Variants in CDC42BPB observed in about 807,000 individuals in gnomAD.
CDC42BPB encodes CDC42 binding protein kinase beta.
A neutral mutation model predicts 214.9 loss-of-function variants in CDC42BPB; 37 were observed. The observed-to-expected ratio is 0.17, with a 90% confidence interval of 0.13 to 0.23. CDC42BPB has a LOEUF of 0.23. Ranked by LOEUF, CDC42BPB falls within the 10% of genes least tolerant of loss-of-function variation. The pLI, the probability that CDC42BPB is intolerant of heterozygous loss-of-function variation, is 1.00. For synonymous variants in CDC42BPB, 931 were observed against 884.0 expected, an observed-to-expected ratio of 1.05 and a Z score of -0.94; for missense variants, 1,694 against 2,227.0, an observed-to-expected ratio of 0.76 and a Z score of 4.82.
chr14:102,971,840 G>A (rs138744725), intron 13 of CDC42BPB, 79 bp downstream of exon 13: 4 of 1,467,930 alleles, frequency 2.7e-6, no homozygotes, highest in Admixed American at 3.7e-5. Context: ...CAGTAATGCA[G>A]CCCAAGATTT....
intron 1 of CDC42BPB, among the ~76,000 whole-genome samples, chr14:103,033,856 T>C (rs1887523868): frequency 6.6e-6 from 1 of 152,246 alleles, no homozygotes; most frequent in Admixed American, 6.5e-5. Context: ...AGCAGTTTCC[T>C]CACTGGAAGT....
At chr14:103,047,903 C>CAA (rs376515642) in intron 1 of CDC42BPB, among the ~76,000 whole-genome samples, 1 of 127,776 alleles carries the variant, frequency 7.8e-6, no homozygotes, top group Non-Finnish European at 1.6e-5. Context: ...ACTCTGTGTC[C>CAA]AAAAAAAAAA....
intron 1 of CDC42BPB, among the ~76,000 whole-genome samples, chr14:103,027,549 T>C (rs1487611645): frequency 6.6e-6 from 1 of 152,190 alleles, no homozygotes; most frequent in East Asian, 1.9e-4. Context: ...CCAGAGAAAG[T>C]AATTAAATAA....
chr14:102,945,315 C>T lies in CDC42BPB; in HGVS notation c.3811+347G>A, dbSNP rs146234086. ...ATGCCAGGATACCTTTGCCCTTCCT[C>T]GCTGGGAAGACTGAAGTGTCAAAAT... On this transcript the variant is annotated intron_variant, in intron 29 of 36. Transcript: ENST00000361246. 692 of 469,202 alleles carry T rather than the reference C, an allele frequency of 1.5e-3. 1 individual carries two copies. The highest frequency in any genetic ancestry group is 2.4e-3 in the Non-Finnish European group (575 of 235,948). 29.1% of individuals were successfully genotyped at this position (469,202 alleles called of 1,614,324 possible).
chr14:102,949,660 GA>G, intron 26 of CDC42BPB, 104 bp downstream of exon 26: 1 of 1,415,090 alleles, frequency 7.1e-7, no homozygotes, highest in Non-Finnish European at 9.8e-7. Context: ...TGAAGCAGGT[GA>G]AGTACTAATG....
chr14:102,985,879 C>T (rs181210865), intron 6 of CDC42BPB, among the ~76,000 whole-genome samples: 25 of 152,372 alleles, frequency 1.6e-4, no homozygotes, highest in African/African-American at 5.8e-4. Flanking sequence ...TCAGGCTACT[C>T]GGCCATGACG....
At chr14:102,992,464 G>C (rs1413882471) in intron 5 of CDC42BPB, among the ~76,000 whole-genome samples, 1 of 152,210 alleles carries the variant, frequency 6.6e-6, no homozygotes. Flanking sequence ...TGGTGGGGTA[G>C]AGACGGTGCT....
chr14:103,031,445 T>A (rs1288759125), intron 1 of CDC42BPB, among the ~76,000 whole-genome samples: 2 of 152,204 alleles, frequency 1.3e-5, no homozygotes, highest in East Asian at 1.9e-4. Context: ...TTTAACATTT[T>A]GCAAAAGGAC....
intron 1 of CDC42BPB, chr14:103,041,601 T>C: frequency 1.2e-6 from 1 of 868,918 alleles, no homozygotes; most frequent in Non-Finnish European, 1.9e-6. Flanking sequence ...TGCCCCACAT[T>C]GCCCTGCACA....
intron 14 of CDC42BPB, 58 bp from the exon 15 acceptor site, chr14:102,968,774 T>C: frequency 2.5e-6 from 4 of 1,593,794 alleles, no homozygotes; most frequent in South Asian, 2.3e-5. Flanking sequence ...GGTCACACTG[T>C]CCTTTCAACC....
At chr14:102,997,367 A>G (rs1894787714) in intron 5 of CDC42BPB, among the ~76,000 whole-genome samples, 1 of 152,166 alleles carries the variant, frequency 6.6e-6, no homozygotes, top group Non-Finnish European at 1.5e-5. Context: ...AAACTCTCTC[A>G]TATACCCCCC....
At chr14:103,046,676 G>T (rs1310152091) in intron 1 of CDC42BPB, among the ~76,000 whole-genome samples, 4 of 151,998 alleles carry the variant, frequency 2.6e-5, no homozygotes, top group Non-Finnish European at 5.9e-5. Context: ...TTTTTTTGGA[G>T]ACAGTCTCTC....
chr14:103,008,405 T>G, intron 3 of CDC42BPB, 67 bp downstream of exon 3: 1 of 1,033,474 alleles, frequency 9.7e-7, no homozygotes, highest in Non-Finnish European at 1.5e-6. Flanking sequence ...TTTCCCCAGC[T>G]GGCTTCACAG....
intron 1 of CDC42BPB, among the ~76,000 whole-genome samples, chr14:103,014,270 T>A (rs535894272): frequency 1.3e-5 from 2 of 151,464 alleles, no homozygotes; most frequent in African/African-American, 2.4e-5. Context: ...ACTGTCTGAC[T>A]CCAGACCAGC....
At position 102,952,618 on chromosome 14, in the gene CDC42BPB, T is replaced by C; in HGVS notation, c.3067-15A>G. On this transcript the variant is annotated splice_polypyrimidine_tract_variant and intron_variant, in intron 23 of 36. Transcript: ENST00000361246. ...TGAGCTTTTGGCTGGAAGGAGAAAA[T>C]CAAGAACACTGAGGTGAACCATGGA... is the stretch of plus-strand genomic sequence containing the variant. The C allele has an allele frequency of 6.2e-7, 1 of 1,610,294 alleles. No individual in the cohort carries two copies. Among genetic ancestry groups the C allele is most frequent in the African/African-American group, 1.3e-5 (1 of 74,948 alleles).
intron 29 of CDC42BPB, chr14:102,945,047 T>A: frequency 3.2e-6 from 1 of 314,260 alleles, no homozygotes; most frequent in East Asian, 9.4e-5. Context: ...CCCAAGCCCC[T>A]CGCTTGCTCA....
At chr14:103,038,310 C>A (rs2139734689) in intron 1 of CDC42BPB, among the ~76,000 whole-genome samples, 1 of 151,506 alleles carries the variant, frequency 6.6e-6, no homozygotes, top group Admixed American at 6.6e-5. Flanking sequence ...TGCACTCCAG[C>A]CTGGACAACA....
chr14:102,995,428 G>A (rs1894684069), intron 5 of CDC42BPB, among the ~76,000 whole-genome samples: 1 of 152,176 alleles, frequency 6.6e-6, no homozygotes, highest in African/African-American at 2.4e-5. Context: ...ACCTGCCTAG[G>A]CCTCCCAAAG....
In CDC42BPB at chr14:103,025,672, G is replaced by T. The variant is rs960873940; in HGVS notation, c.176-13484C>A. On this transcript the variant is annotated intron_variant, in intron 1 of 36. Coordinates refer to ENST00000361246, the MANE Select transcript of CDC42BPB (RefSeq NM_006035.4). ...GTCTCTACTAAAAATACAAAAATTA[G>T]CCAGGCGTGGTGGCACATGCCTATA... 1.7e-4 allele frequency among the ~76,000 whole-genome samples: 26 copies of T among 152,078 alleles called. 1 individual carries two copies. Among genetic ancestry groups the T allele is most frequent in the Middle Eastern group, 3.4e-3 (1 of 294 alleles).
Sources: gnomAD v4.1 joint callset for allele counts (sites outside exome capture counted in the v4.1 genomes callset) on GRCh38, gnomAD v4.1.1 for gene constraint, MANE v1.5 for transcripts, NCBI Gene and HGNC (gene_info 2026-07-23, HGNC 2026-07-21) for gene names.